The following DNM3 variants were observed in gnomAD, a reference collection of about 807,000 sequenced individuals.
The protein encoded by DNM3 is dynamin-3.
In DNM3, 47 loss-of-function variants were observed where a neutral mutation model predicts 101.6. The ratio of observed to expected loss-of-function variants is 0.46; its 90% CI spans 0.37 to 0.59. The LOEUF (loss-of-function observed/expected upper bound fraction) is 0.59, where lower values mean the gene tolerates loss of function less well. DNM3 is among the 20% of genes least tolerant of loss of function. DNM3 has a pLI of 0.00. For synonymous variants in DNM3, 385 were observed against 387.9 expected, an observed-to-expected ratio of 0.99 and a Z score of 0.09; for missense variants, 849 against 1,085.7, an observed-to-expected ratio of 0.78 and a Z score of 3.06.
At chr1:172,203,574 G>C (rs187402290) in intron 14 of DNM3, among the ~76,000 whole-genome samples, 254 of 152,228 alleles carry the variant, frequency 1.7e-3, no homozygotes, top group African/African-American at 5.8e-3. Context: ...ATTTCCTTGT[G>C]AAGTAGACTC....
intron 10 of DNM3, among the ~76,000 whole-genome samples, chr1:172,058,716 A>G (rs1293526205): frequency 1.3e-5 from 2 of 151,852 alleles, no homozygotes; most frequent in Admixed American, 1.3e-4. Context: ...GGAAATTTAT[A>G]GCACTAAATG....
At chr1:172,077,019 C>T (rs887505890) in intron 11 of DNM3, among the ~76,000 whole-genome samples, 10 of 152,080 alleles carry the variant, frequency 6.6e-5, no homozygotes, top group African/African-American at 2.4e-4. Context: ...TTCAGGGATT[C>T]AACTTCTTCC....
chr1:172,281,525 C>T lies in DNM3; in HGVS notation c.1770-27203C>T, dbSNP rs527266887. On this transcript the variant is annotated intron_variant, in intron 15 of 20. Transcript: ENST00000627582. ...ATAGAAGGAAACACATTTCCTGGAT[C>T]AGCTCTTTGCCTCTACAAAGTAGCT... 8.5e-5 allele frequency among the ~76,000 whole-genome samples: 13 copies of T among 152,266 alleles called. No homozygotes were observed. In the East Asian group the frequency reaches 2.5e-3, roughly 29 times the overall value.
rs111763901 is a variant in DNM3, at chr1:172,367,162, A to G, written c.1894-11856A>G. On this transcript the variant is annotated intron_variant, in intron 17 of 20. Coordinates refer to ENST00000627582, the MANE Select transcript of DNM3 (RefSeq NM_015569.5). Reference sequence around the variant, plus strand: ...TTAAGCTAACATTAGATTTCTCAGTAGACACCTTATAGGCTAGGAAAGAAT... The same window carrying G: ...TTAAGCTAACATTAGATTTCTCAGTGGACACCTTATAGGCTAGGAAAGAAT... Among the ~76,000 whole-genome samples the G allele has an allele frequency of 3.9e-4, 59 of 151,952 alleles. 1 individual carries two copies. The highest frequency in any genetic ancestry group is 1.2e-3 in the African/African-American group (50 of 41,526).
chr1:172,371,476 A>G (rs968593447), intron 17 of DNM3, among the ~76,000 whole-genome samples: 2 of 152,018 alleles, frequency 1.3e-5, no homozygotes, highest in Non-Finnish European at 1.5e-5. Flanking sequence ...CATTTACATC[A>G]TTTATCTCAA....
At chr1:171,944,848 G>T (rs1264811677) in intron 2 of DNM3, among the ~76,000 whole-genome samples, 9 of 106,952 alleles carry the variant, frequency 8.4e-5, no homozygotes, top group Admixed American at 4.5e-4. Context: ...TTTTTTTTTG[G>T]TGTTTCCTTT....
chr1:172,264,164 A>G (rs1222132591), intron 15 of DNM3, among the ~76,000 whole-genome samples: 1 of 152,244 alleles, frequency 6.6e-6, no homozygotes, highest in Non-Finnish European at 1.5e-5. Context: ...GGGAAATAGT[A>G]TTAGTCAAAG....
chr1:172,117,830 G>A (rs2056030554), intron 13 of DNM3, among the ~76,000 whole-genome samples: 1 of 152,176 alleles, frequency 6.6e-6, no homozygotes, highest in Non-Finnish European at 1.5e-5. Context: ...CACTGAAAAA[G>A]GTAGTGATAC....
intron 11 of DNM3, 119 bp from the exon 12 acceptor site, chr1:172,081,713 T>C (rs2053163169): frequency 2.7e-6 from 2 of 752,112 alleles, no homozygotes; most frequent in Non-Finnish European, 4.3e-6. Flanking sequence ...CTTTTCATGC[T>C]AATTGAAGTA....
intron 15 of DNM3, among the ~76,000 whole-genome samples, chr1:172,257,327 C>G (rs535624840): frequency 9.2e-5 from 14 of 152,156 alleles, no homozygotes; most frequent in African/African-American, 3.1e-4. Flanking sequence ...AATAAAAACT[C>G]ACAAAGAATC....
chr1:172,409,726 C>A lies in DNM3; in HGVS notation c.*1885C>A. On this transcript the variant is annotated 3_prime_UTR_variant, in exon 21 of 21. Transcript: ENST00000627582. ...TAAAACAAATAATCTTCAGTGAGAT[C>A]TTTTTATAAAACTTCTTGTTTTTAG... The A allele has an allele frequency of 1.0e-6, 1 of 982,816 alleles. No homozygotes were observed. 60.9% of individuals were successfully genotyped at this position (982,816 alleles called of 1,614,324 possible). A position where few individuals can be genotyped will look rare whatever the true frequency, so the allele number is the denominator to read the frequency against.
intron 1 of DNM3, among the ~76,000 whole-genome samples, chr1:171,883,413 A>C (rs796742772): frequency 1.0e-4 from 5 of 47,736 alleles, no homozygotes; most frequent in South Asian, 5.5e-4. Flanking sequence ...ACACACACAC[A>C]CCCTGTCAGA....
At chr1:172,230,799 T>C (rs1042204106) in intron 14 of DNM3, among the ~76,000 whole-genome samples, 2 of 152,102 alleles carry the variant, frequency 1.3e-5, no homozygotes, top group Non-Finnish European at 2.9e-5. Flanking sequence ...CTGCATTTCT[T>C]AGAAATAAAT....
At chr1:172,335,910 A>T (rs549236865) in intron 17 of DNM3, among the ~76,000 whole-genome samples, 221 of 152,294 alleles carry the variant, frequency 1.5e-3, no homozygotes, top group African/African-American at 5.1e-3. Flanking sequence ...TACTCATGTA[A>T]CAAACCTGCA....
intron 17 of DNM3, among the ~76,000 whole-genome samples, chr1:172,357,240 A>G (rs2067499744): frequency 6.6e-6 from 1 of 152,104 alleles, no homozygotes; most frequent in African/African-American, 2.4e-5. Flanking sequence ...TATGATGAGA[A>G]ACAGGATATT....
At chr1:171,962,418 G>A (rs1402841286) in intron 2 of DNM3, among the ~76,000 whole-genome samples, 2 of 152,120 alleles carry the variant, frequency 1.3e-5, no homozygotes, top group Non-Finnish European at 2.9e-5. Flanking sequence ...TATTGTTTAG[G>A]AGAACAGAGT....
chr1:172,104,573 A>T (rs2054879373), intron 13 of DNM3, among the ~76,000 whole-genome samples: 1 of 152,062 alleles, frequency 6.6e-6, no homozygotes, highest in Non-Finnish European at 1.5e-5. Context: ...ACCTTTTATC[A>T]TATTTATTAA....
chr1:171,927,277 G>C (rs187496871), intron 2 of DNM3, among the ~76,000 whole-genome samples: 1 of 152,246 alleles, frequency 6.6e-6, no homozygotes, highest in East Asian at 1.9e-4. Flanking sequence ...TGCATGTGAA[G>C]GTTTGTCGCA....
chr1:172,388,807 A>C lies in DNM3; in HGVS notation c.2520A>C (p.Pro840=). Residue 840 remains proline (P), a splice_region_variant and synonymous_variant, in exon 20 of 21, where the codon CCA becomes CCC. Coordinates refer to ENST00000627582, the MANE Select transcript of DNM3 (RefSeq NM_015569.5). ...SRPTRAPPSV[P]SRRPPPSPTR... ...CTACGAGGGCCCCGCCCAGTGTCCC[A>C]AGGTAAGGCATGGAGCAGAAATTGG... 1 of 1,573,026 alleles carries C rather than the reference A, an allele frequency of 6.4e-7. No homozygotes were observed. Among genetic ancestry groups the C allele is most frequent in the Non-Finnish European group, 8.6e-7 (1 of 1,158,876 alleles).
Sources: allele counts gnomAD v4.1 joint callset (sites outside exome capture counted in the v4.1 genomes callset), GRCh38; gene constraint gnomAD v4.1.1; transcripts MANE v1.5; gene names NCBI Gene and HGNC (gene_info 2026-07-23, HGNC 2026-07-21).